Variants in ABCB1 observed in about 807,000 individuals in gnomAD.
ABCB1 encodes the protein ATP-dependent translocase ABCB1.
In ABCB1, 69 loss-of-function variants were observed where a neutral mutation model predicts 142.0. That is an observed-to-expected ratio of 0.49 (90% CI 0.40 to 0.59). The LOEUF is 0.59. Among genes scored for constraint, ABCB1 ranks in the 20% least tolerant of loss-of-function variants. The probability of loss-of-function intolerance (pLI) is 0.00; values close to 1 mark genes in which losing one functional copy is unlikely to be tolerated. For missense variants in ABCB1, 1,326 were observed against 1,554.7 expected, an observed-to-expected ratio of 0.85 and a Z score of 2.47; for synonymous variants, 532 against 539.2, an observed-to-expected ratio of 0.99 and a Z score of 0.18.
chr7:87,696,873 G>A (rs546555962), intron 1 of ABCB1, among the ~76,000 whole-genome samples: 257 of 152,258 alleles, frequency 1.7e-3, no homozygotes, highest in Middle Eastern at 6.8e-3. Context: ...TGTGGATAGT[G>A]TGCCCTACCT....
intron 7 of ABCB1, chr7:87,565,355 A>C: frequency 5.3e-6 from 2 of 377,082 alleles, no homozygotes; most frequent in East Asian, 7.5e-5. Flanking sequence ...CACTCATATC[A>C]AATCAGTTTA....
intron 1 of ABCB1, among the ~76,000 whole-genome samples, chr7:87,678,038 G>T (rs1377393205): frequency 6.6e-6 from 1 of 152,138 alleles, no homozygotes; most frequent in East Asian, 1.9e-4. Context: ...TAAAAGAAAT[G>T]CTAACAAAAG....
intron 1 of ABCB1, among the ~76,000 whole-genome samples, chr7:87,678,214 A>C (rs1826573126): frequency 6.6e-6 from 1 of 152,182 alleles, no homozygotes; most frequent in South Asian, 2.1e-4. Context: ...TCAGCCTCTC[A>C]AAGTTCTGGG....
At chr7:87,511,538 T>A (rs936877683) in intron 25 of ABCB1, among the ~76,000 whole-genome samples, 3 of 152,208 alleles carry the variant, frequency 2.0e-5, no homozygotes, top group Non-Finnish European at 4.4e-5. Context: ...ACGTTGTAGG[T>A]TCTGTGATAA....
At chr7:87,548,528 AC>A (rs1816904990) in intron 14 of ABCB1, among the ~76,000 whole-genome samples, 1 of 152,242 alleles carries the variant, frequency 6.6e-6, no homozygotes, top group Non-Finnish European at 1.5e-5. Context: ...TTTATTAAGC[AC>A]ATTGACAGGA....
chr7:87,579,195 C>CGA (rs1818403573), intron 4 of ABCB1, among the ~76,000 whole-genome samples: 2 of 152,072 alleles, frequency 1.3e-5, no homozygotes, highest in Non-Finnish European at 2.9e-5. Context: ...TCTTCCTTTC[C>CGA]AATTCAGATG....
intron 1 of ABCB1, among the ~76,000 whole-genome samples, chr7:87,646,616 C>T (rs1823028005): frequency 6.6e-6 from 1 of 152,080 alleles, no homozygotes. Flanking sequence ...AAATTTCCTT[C>T]TATTCAGGTC....
chr7:87,686,570 A>G (rs542979134), intron 1 of ABCB1, among the ~76,000 whole-genome samples: 1 of 152,188 alleles, frequency 6.6e-6, no homozygotes, highest in Non-Finnish European at 1.5e-5. Context: ...ACAACGTTGT[A>G]AACTTCAGCT....
chr7:87,646,717 T>C (rs1823037584), intron 1 of ABCB1, among the ~76,000 whole-genome samples: 1 of 152,184 alleles, frequency 6.6e-6, no homozygotes, highest in South Asian at 2.1e-4. Context: ...CTGTACTTAT[T>C]ATTTCTTATT....
In ABCB1 at chr7:87,515,365, T is replaced by A. The variant is rs760344941; in HGVS notation, c.3148A>T (p.Ile1050Phe). The change falls in exon 25 of 28, where the codon ATC (isoleucine) becomes TTC (phenylalanine). Residue 1050 changes from isoleucine to phenylalanine, a missense_variant. Transcript: ENST00000622132. ...VVFNYPTRPD[I>F]PVLQGLSLEV... ...AGGCTCAGTCCCTGAAGCACTGGGA[T>A]GTCCGGTCGGGTGGGATAGTTGAAT... 6.2e-7 allele frequency: 1 copy of A among 1,614,218 alleles called. No homozygotes were observed. Among genetic ancestry groups the A allele is most frequent in the South Asian group, 1.1e-5 (1 of 91,090 alleles).
intron 1 of ABCB1, among the ~76,000 whole-genome samples, chr7:87,631,760 G>A (rs143945126): frequency 1.6e-4 from 24 of 152,218 alleles, no homozygotes; most frequent in Non-Finnish European, 3.1e-4. Context: ...TTGATCTGGT[G>A]GAAATATAAC....
intron 7 of ABCB1, among the ~76,000 whole-genome samples, chr7:87,562,795 T>C (rs1359788325): frequency 1.4e-5 from 2 of 147,556 alleles, no homozygotes; most frequent in Admixed American, 1.3e-4. Context: ...CTCTAACCTA[T>C]CCTATTATCA....
intron 1 of ABCB1, among the ~76,000 whole-genome samples, chr7:87,615,100 G>A (rs1171055728): frequency 1.3e-5 from 2 of 152,158 alleles, no homozygotes; most frequent in African/African-American, 2.4e-5. Flanking sequence ...GCCTCCCAAA[G>A]TGATGGAATT....
chr7:87,712,254 C>T (rs985457696), intron 1 of ABCB1, among the ~76,000 whole-genome samples: 4 of 151,876 alleles, frequency 2.6e-5, no homozygotes, highest in African/African-American at 4.8e-5. Context: ...ACATGACACT[C>T]GAGATATTTC....
rs1300863479 is a variant in ABCB1 at position 87,626,021 on chromosome 7, TATAGAG to T, written c.-330-24949_-330-24944del. On this transcript the variant is annotated intron_variant, in intron 1 of 28. Transcript: ENST00000265724. ...ATATGTATATGTACATATATATATA[TATAGAG>T]AGAGAGAGAGAGAGAGAGATGGAGT... 7.1e-3 allele frequency among the ~76,000 whole-genome samples: 901 copies of T among 126,466 alleles called. 18 individuals carry two copies. The highest frequency in any genetic ancestry group is 0.019 in the African/African-American group (569 of 29,512). The allele number at this position is 126,466 out of a possible 152,430, so 83.0% of individuals were successfully genotyped here. A position where few individuals can be genotyped will look rare whatever the true frequency, so the allele number is the denominator to read the frequency against.
intron 1 of ABCB1, among the ~76,000 whole-genome samples, chr7:87,655,781 A>C (rs756212140): frequency 6.6e-6 from 1 of 152,224 alleles, no homozygotes; most frequent in African/African-American, 2.4e-5. Flanking sequence ...CATATGCTGG[A>C]AACTTAACCC....
intron 1 of ABCB1, among the ~76,000 whole-genome samples, chr7:87,606,978 G>C (rs1819678079): frequency 1.3e-5 from 2 of 152,002 alleles, no homozygotes; most frequent in Non-Finnish European, 2.9e-5. Flanking sequence ...GAAACATTGA[G>C]AATTCCCAGT....
chr7:87,569,645 A>G (rs1381026870), intron 5 of ABCB1, among the ~76,000 whole-genome samples: 1 of 152,188 alleles, frequency 6.6e-6, no homozygotes, highest in African/African-American at 2.4e-5. Context: ...AAACAAATTA[A>G]TAATTATAAG....
intron 21 of ABCB1, among the ~76,000 whole-genome samples, chr7:87,524,790 A>G (rs1300377377): frequency 6.6e-6 from 1 of 152,190 alleles, no homozygotes; most frequent in Non-Finnish European, 1.5e-5. Context: ...AAAAAAAGAA[A>G]TATTTCTAAT....
Sources: gnomAD v4.1 joint callset for allele counts (sites outside exome capture counted in the v4.1 genomes callset) on GRCh38, gnomAD v4.1.1 for gene constraint, MANE v1.5 for transcripts, NCBI Gene and HGNC (gene_info 2026-07-23, HGNC 2026-07-21) for gene names.